The following SRGAP3 variants were observed in gnomAD, a reference collection of about 807,000 sequenced individuals.
SRGAP3 encodes SLIT-ROBO Rho GTPase activating protein 3.
In SRGAP3, 39 loss-of-function variants were observed where a neutral mutation model predicts 121.1. The observed-to-expected ratio is 0.32, with a 90% CI of 0.25 to 0.42. The LOEUF is 0.42. SRGAP3 is among the 10% of genes least tolerant of loss of function. The probability of loss-of-function intolerance (pLI) is 1.00; values close to 1 mark genes in which losing one functional copy is unlikely to be tolerated. For synonymous variants in SRGAP3, 601 were observed against 570.0 expected, an observed-to-expected ratio of 1.05 and a Z score of -0.77; for missense variants, 1,213 against 1,470.6, an observed-to-expected ratio of 0.82 and a Z score of 2.86.
At chr3:8,988,576 C>G (rs925209923) in intron 21 of SRGAP3, among the ~76,000 whole-genome samples, 1 of 152,134 alleles carries the variant, frequency 6.6e-6, no homozygotes, top group Admixed American at 6.5e-5. Flanking sequence ...AGGGGCAGGT[C>G]GTGCAAAACG....
chr3:9,141,181 G>C (rs571134091), intron 1 of SRGAP3, among the ~76,000 whole-genome samples: 4 of 152,292 alleles, frequency 2.6e-5, no homozygotes, highest in Admixed American at 6.5e-5. Context: ...CTCTGCCATA[G>C]CTGTCTCCAC....
intron 7 of SRGAP3, among the ~76,000 whole-genome samples, chr3:9,056,718 G>A (rs958712582): frequency 1.3e-5 from 2 of 152,180 alleles, no homozygotes; most frequent in African/African-American, 4.8e-5. Flanking sequence ...GAAAAAACCT[G>A]AATGGGAAAC....
chr3:9,346,753 CT>C (rs142138773), intron 1 of SRGAP3, among the ~76,000 whole-genome samples: 4,851 of 130,380 alleles, frequency 0.037, 184 homozygotes, highest in African/African-American at 0.11. Flanking sequence ...GCAATTTTTT[CT>C]TTTTTTTTTT....
chr3:9,091,257 CT>C (rs1560125705), intron 3 of SRGAP3, among the ~76,000 whole-genome samples: 1 of 152,070 alleles, frequency 6.6e-6, no homozygotes, highest in Non-Finnish European at 1.5e-5. Flanking sequence ...AGCCAGCCCC[CT>C]GTCTCTCTTT....
At position 8,981,215 on chromosome 3, in the gene SRGAP3, G is replaced by A. The variant is rs1031408819; in HGVS notation, c.*4304C>T. 1.3e-5 allele frequency: 3 copies of A among 232,858 alleles called. No homozygotes were observed. The highest frequency in any genetic ancestry group is 6.6e-5 in the African/African-American group (3 of 45,320). The allele number at this position is 232,858 out of a possible 1,614,324, so 14.4% of individuals were successfully genotyped here. On this transcript the variant is annotated 3_prime_UTR_variant, in exon 22 of 22. Transcript: ENST00000383836. ...GGAATGTTCTATGTGGCTGCTCAGAGGAGAGGAGACCCCAGAGAACCGGGG... is the reference window on the plus strand; with the variant it reads ...GGAATGTTCTATGTGGCTGCTCAGAAGAGAGGAGACCCCAGAGAACCGGGG...
chr3:9,081,352 G>A (rs997254466), intron 3 of SRGAP3: 2 of 451,186 alleles, frequency 4.4e-6, no homozygotes, highest in African/African-American at 2.0e-5. Context: ...AAGGCCTCTG[G>A]GGCACAAGGC....
intron 1 of SRGAP3, chr3:9,236,118 C>G (rs1213485722): frequency 5.9e-6 from 1 of 168,528 alleles, no homozygotes; most frequent in Non-Finnish European, 1.3e-5. Flanking sequence ...AAACTCCTCA[C>G]CATTTCTCAA....
At chr3:9,362,306 G>A (rs1192237847) in intron 1 of SRGAP3, among the ~76,000 whole-genome samples, 1 of 150,862 alleles carries the variant, frequency 6.6e-6, no homozygotes, top group African/African-American at 2.4e-5. Flanking sequence ...TAGGACTACA[G>A]GTGCAGGCCA....
intron 3 of SRGAP3, among the ~76,000 whole-genome samples, chr3:9,258,883 A>G (rs1416826235): frequency 1.3e-5 from 2 of 152,084 alleles, no homozygotes; most frequent in East Asian, 1.9e-4. Context: ...CAACCCTGGA[A>G]CCCGAGTGAG....
rs377512438 is a variant in SRGAP3 at position 9,013,330 on chromosome 3, T to C, written c.2125A>G (p.Met709Val). Reference sequence around the variant, plus strand: ...TACCAATATTCTTCCCCTCCAGCCATGCATTTTTCATACACAGGTCCCTCT... The same window carrying C: ...TACCAATATTCTTCCCCTCCAGCCACGCATTTTTCATACACAGGTCCCTCT... ...ELEGPVYEKC[M>V]AGGEEYCDSP... Residue 709 changes from methionine to valine, a missense_variant, in exon 17 of 22, where the codon ATG (methionine) becomes GTG (valine). This residue lies in a region of SRGAP3 where 793 missense variants were observed against 1,032.9 expected (regional missense o/e 0.77). Coordinates refer to ENST00000383836, the MANE Select transcript of SRGAP3 (RefSeq NM_014850.4). The C allele has an allele frequency of 5.6e-6, 9 of 1,613,968 alleles. No homozygotes were observed. The highest frequency in any genetic ancestry group is 6.8e-6 in the Non-Finnish European group (8 of 1,180,000).
chr3:9,002,207 T>C (rs990725837), intron 18 of SRGAP3, among the ~76,000 whole-genome samples: 1 of 152,146 alleles, frequency 6.6e-6, no homozygotes, highest in African/African-American at 2.4e-5. Flanking sequence ...TAATACAAAA[T>C]GTGTTCTTCT....
At chr3:8,992,880 G>A in intron 20 of SRGAP3, 26 bp downstream of exon 20, 1 of 1,614,106 alleles carries the variant, frequency 6.2e-7, no homozygotes, top group Non-Finnish European at 8.5e-7. Flanking sequence ...ACACCAGCAG[G>A]GAAAAAATGA....
intron 11 of SRGAP3, 39 bp downstream of exon 11, chr3:9,038,024 G>C: frequency 6.2e-7 from 1 of 1,613,992 alleles, no homozygotes; most frequent in Non-Finnish European, 8.5e-7. Context: ...TCCCACCTCG[G>C]GCAGCAGATG....
chr3:9,020,358 T>C (rs1008720553), intron 14 of SRGAP3, among the ~76,000 whole-genome samples: 1 of 152,020 alleles, frequency 6.6e-6, no homozygotes, highest in Non-Finnish European at 1.5e-5. Context: ...TCCCAACTTA[T>C]AGAACAAGGC....
intron 1 of SRGAP3, among the ~76,000 whole-genome samples, chr3:9,212,486 C>G (rs1032633285): frequency 6.3e-5 from 9 of 142,140 alleles, no homozygotes; most frequent in Non-Finnish European, 1.5e-5. Flanking sequence ...CTTTGGGAGG[C>G]TGAGGCAGGC....
chr3:9,276,481 A>C (rs1356032313), intron 3 of SRGAP3, among the ~76,000 whole-genome samples: 10 of 150,700 alleles, frequency 6.6e-5, no homozygotes, highest in Non-Finnish European at 1.3e-4. Context: ...GCTGAAGTGC[A>C]ATGGCGCAAT....
At chr3:9,081,354 G>T (rs1274642922) in intron 3 of SRGAP3, 1 of 450,086 alleles carries the variant, frequency 2.2e-6, no homozygotes, top group East Asian at 7.1e-5. Context: ...GGCCTCTGGG[G>T]CACAAGGCAA....
chr3:8,999,903 A>G (rs1005241831), intron 18 of SRGAP3, among the ~76,000 whole-genome samples: 9 of 152,362 alleles, frequency 5.9e-5, no homozygotes, highest in Admixed American at 5.9e-4. Flanking sequence ...AAATATTTCA[A>G]GCCCCTGGAA....
chr3:9,115,762 A>G (rs73019313), intron 2 of SRGAP3, among the ~76,000 whole-genome samples: 10,332 of 152,272 alleles, frequency 0.068, 419 homozygotes, highest in African/African-American at 0.082. Context: ...ATTCCTGCAC[A>G]CCACCACACT....
Sources: allele counts gnomAD v4.1 joint callset (sites outside exome capture counted in the v4.1 genomes callset), GRCh38; gene constraint gnomAD v4.1.1; regional missense constraint gnomAD v4.1.1; transcripts MANE v1.5; gene names NCBI Gene and HGNC (gene_info 2026-07-23, HGNC 2026-07-21).